Variants in FER observed in about 807,000 individuals in gnomAD.
The protein encoded by FER is tyrosine-protein kinase Fer.
Under a neutral mutation model 111.0 loss-of-function variants are expected in FER, and 63 were observed. That is an observed-to-expected ratio of 0.57 (90% CI 0.46 to 0.70). The LOEUF (loss-of-function observed/expected upper bound fraction) is 0.70, where lower values mean the gene tolerates loss of function less well. FER is among the 30% of genes least tolerant of loss of function. The pLI, the probability that FER is intolerant of heterozygous loss-of-function variation, is 0.00. For synonymous variants in FER, 327 were observed against 313.9 expected, an observed-to-expected ratio of 1.04 and a Z score of -0.44; for missense variants, 914 against 954.0, an observed-to-expected ratio of 0.96 and a Z score of 0.55.
At chr5:108,846,741 C>T (rs1357228663) in intron 5 of FER, among the ~76,000 whole-genome samples, 1 of 152,030 alleles carries the variant, frequency 6.6e-6, no homozygotes. Flanking sequence ...TGCCACCACG[C>T]CCGGCTAATT....
At chr5:108,996,214 G>C (rs138865319) in intron 13 of FER, among the ~76,000 whole-genome samples, 5 of 152,024 alleles carry the variant, frequency 3.3e-5, no homozygotes, top group African/African-American at 1.2e-4. Context: ...TGTAGGTTGC[G>C]TGTTCACTCT....
intron 9 of FER, among the ~76,000 whole-genome samples, chr5:108,894,846 C>G (rs966921233): frequency 6.6e-6 from 1 of 151,974 alleles, no homozygotes; most frequent in Non-Finnish European, 1.5e-5. Context: ...CACGTACTGC[C>G]GCGAGAACAG....
At chr5:109,082,970 C>CA (rs1777164467) in intron 16 of FER, among the ~76,000 whole-genome samples, 1 of 151,050 alleles carries the variant, frequency 6.6e-6, no homozygotes, top group Non-Finnish European at 1.5e-5. Context: ...TCTGAACCCC[C>CA]CAAAAAAAGA....
chr5:108,918,767 G>A (rs1436468595), intron 10 of FER, among the ~76,000 whole-genome samples: 2 of 151,622 alleles, frequency 1.3e-5, no homozygotes, highest in Non-Finnish European at 2.9e-5. Context: ...GATTACAGGC[G>A]TGAGCCACCG....
chr5:108,954,731 T>C lies in FER; in HGVS notation c.1332T>C (p.Leu444=). ...TTTTTTTTTAATATTTGTTTAAGCT[T>C]TCTGATATGATCTCCATCAGTGAGA... is the stretch of plus-strand genomic sequence containing the variant. ...SPKSALGSSA[L]SDMISISEKP... is the part of the protein sequence containing the mutation. Residue 444 remains leucine, a splice_region_variant and synonymous_variant, in exon 12 of 20, where the codon CTT becomes CTC. Coordinates refer to ENST00000281092, the MANE Select transcript of FER (RefSeq NM_005246.4). The C allele has an allele frequency of 1.3e-6, 2 of 1,555,708 alleles. No homozygotes were observed. The highest frequency in any genetic ancestry group is 1.7e-6 in the Non-Finnish European group (2 of 1,154,386).
chr5:108,858,766 A>ATTTTTTTTT (rs75243334), intron 5 of FER, among the ~76,000 whole-genome samples: 18 of 124,696 alleles, frequency 1.4e-4, no homozygotes, highest in Middle Eastern at 4.4e-3. Context: ...CAGTTTTTTC[A>ATTTTTTTTT]TTTTTTTTTT....
At chr5:108,901,644 A>G (rs1335770783) in intron 10 of FER, among the ~76,000 whole-genome samples, 1 of 152,166 alleles carries the variant, frequency 6.6e-6, no homozygotes. Flanking sequence ...ATAAACCTTA[A>G]TATTATTTAA....
intron 13 of FER, among the ~76,000 whole-genome samples, chr5:108,999,399 A>AT (rs1764419241): frequency 6.6e-6 from 1 of 152,086 alleles, no homozygotes. Flanking sequence ...TTTTAAATAG[A>AT]TTTTTAAAAT....
intron 1 of FER, among the ~76,000 whole-genome samples, chr5:108,759,823 C>T (rs1751523629): frequency 6.6e-6 from 1 of 152,152 alleles, no homozygotes; most frequent in Non-Finnish European, 1.5e-5. Flanking sequence ...AAACACCTTC[C>T]AAAAGTCCAC....
At chr5:109,001,813 A>G (rs1485081072) in intron 13 of FER, among the ~76,000 whole-genome samples, 5 of 152,326 alleles carry the variant, frequency 3.3e-5, no homozygotes, top group Non-Finnish European at 5.9e-5. Flanking sequence ...AATGTGCAAA[A>G]ATCACAAGCA....
In FER at chr5:109,195,814, G is replaced by A. The variant is rs1759707092; in HGVS notation, c.*8239G>A. On this transcript the variant is annotated 3_prime_UTR_variant, in exon 20 of 20. Transcript: ENST00000281092. Reference sequence around the variant, plus strand: ...CCCACTGAAACAGCTTCTTTAGTCAGACGTCTATAGATTTTACATAAATTT... The same window carrying A: ...CCCACTGAAACAGCTTCTTTAGTCAAACGTCTATAGATTTTACATAAATTT... The A allele has an allele frequency of 6.6e-6, 1 of 152,172 alleles. No individual in the cohort carries two copies. The highest frequency in any genetic ancestry group is 2.4e-5 in the African/African-American group (1 of 41,430). The allele number at this position is 152,172 out of a possible 1,614,324, so 9.4% of individuals were successfully genotyped here.
intron 9 of FER, among the ~76,000 whole-genome samples, chr5:108,890,465 C>T (rs1446141801): frequency 6.6e-6 from 1 of 151,994 alleles, no homozygotes; most frequent in African/African-American, 2.4e-5. Flanking sequence ...ATGCCTGTCT[C>T]CTAGCTTCTG....
chr5:108,777,703 T>G (rs1449442297), intron 2 of FER, among the ~76,000 whole-genome samples: 1 of 152,164 alleles, frequency 6.6e-6, no homozygotes, highest in Admixed American at 6.5e-5. Context: ...AGAAAGAGGT[T>G]TATTGGACTT....
intron 7 of FER, 141 bp from the exon 8 acceptor site, chr5:108,871,952 A>G (rs1764643284): frequency 1.2e-6 from 1 of 829,186 alleles, no homozygotes; most frequent in African/African-American, 1.8e-5. Context: ...GAAACCCAGG[A>G]TTTAGTTTGA....
intron 16 of FER, among the ~76,000 whole-genome samples, chr5:109,084,398 G>T (rs925190779): frequency 1.3e-5 from 2 of 151,802 alleles, no homozygotes; most frequent in Non-Finnish European, 2.9e-5. Flanking sequence ...AAGTTCTGGA[G>T]ATCCATTGCA....
intron 11 of FER, among the ~76,000 whole-genome samples, chr5:108,953,906 T>A (rs1387086298): frequency 2.0e-5 from 3 of 152,036 alleles, no homozygotes; most frequent in East Asian, 3.8e-4. Flanking sequence ...AACAACAACA[T>A]CAACAAGATT....
intron 13 of FER, among the ~76,000 whole-genome samples, chr5:109,008,721 C>T (rs1765817573): frequency 6.6e-6 from 1 of 152,200 alleles, no homozygotes; most frequent in Non-Finnish European, 1.5e-5. Flanking sequence ...TGGCTCACGC[C>T]TGTAATCCCA....
intron 13 of FER, among the ~76,000 whole-genome samples, chr5:108,987,339 G>C (rs1004656454): frequency 6.6e-6 from 1 of 152,050 alleles, no homozygotes; most frequent in Non-Finnish European, 1.5e-5. Flanking sequence ...CCAGCTACTT[G>C]GGAGGCTAAG....
chr5:109,067,574 T>G (rs996923396), intron 16 of FER, among the ~76,000 whole-genome samples: 3 of 152,150 alleles, frequency 2.0e-5, no homozygotes, highest in Non-Finnish European at 4.4e-5. Flanking sequence ...GTTATTTACA[T>G]CAGTATATGT....
Sources: gnomAD v4.1 joint callset for allele counts (sites outside exome capture counted in the v4.1 genomes callset) on GRCh38, gnomAD v4.1.1 for gene constraint, MANE v1.5 for transcripts, NCBI Gene and HGNC (gene_info 2026-07-23, HGNC 2026-07-21) for gene names.